DNAH8: variants seen among roughly 807,000 people sequenced by gnomAD.
The protein encoded by DNAH8 is dynein axonemal heavy chain 8.
In DNAH8, 382 loss-of-function variants were observed where a neutral mutation model predicts 562.1. The ratio of observed to expected loss-of-function variants is 0.68; its 90% CI spans 0.63 to 0.74. DNAH8 has a LOEUF of 0.74. Among genes scored for constraint, DNAH8 ranks in the 30% least tolerant of loss-of-function variants. The probability of loss-of-function intolerance (pLI) is 0.00; values close to 1 mark genes in which losing one functional copy is unlikely to be tolerated. For missense variants in DNAH8, 5,203 were observed against 5,620.4 expected, an observed-to-expected ratio of 0.93 and a Z score of 2.37; for synonymous variants, 1,881 against 1,919.4, an observed-to-expected ratio of 0.98 and a Z score of 0.52.
intron 8 of DNAH8, among the ~76,000 whole-genome samples, chr6:38,749,535 TAAAA>T (rs562568389): frequency 8.3e-6 from 1 of 120,450 alleles, no homozygotes; most frequent in African/African-American, 3.3e-5. Flanking sequence ...GAACTTAAAG[TAAAA>T]AAAAAAAAAA....
chr6:38,795,039 T>G (rs1770098469), intron 21 of DNAH8, among the ~76,000 whole-genome samples: 1 of 152,212 alleles, frequency 6.6e-6, no homozygotes, highest in Non-Finnish European at 1.5e-5. Flanking sequence ...AAATATCTCT[T>G]TAAGTTTTAA....
intron 91 of DNAH8, among the ~76,000 whole-genome samples, chr6:39,016,467 C>T (rs1347473599): frequency 6.6e-6 from 1 of 150,972 alleles, no homozygotes; most frequent in Non-Finnish European, 1.5e-5. Flanking sequence ...AGGAGAATGG[C>T]GTGAACCTAG....
At position 38,722,908 on chromosome 6, in the gene DNAH8, C is replaced by T. The variant is rs1361680296; in HGVS notation, c.99C>T (p.Ala33=). 3.1e-6 allele frequency: 5 copies of T among 1,612,240 alleles called. No homozygotes were observed. The highest frequency in any genetic ancestry group is 2.2e-5 in the East Asian group (1 of 44,870). The change falls in exon 2 of 93, where the codon GCC becomes GCT. Residue 33 remains alanine (A), a synonymous_variant. Coordinates refer to ENST00000327475, the MANE Select transcript of DNAH8 (RefSeq NM_001206927.2). ...CTCCCCGTTCAGAAGAGGAAGAGGCCCCGCGCCCTCCGACAGTGGAGGCCC... is the reference window on the plus strand; with the variant it reads ...CTCCCCGTTCAGAAGAGGAAGAGGCTCCGCGCCCTCCGACAGTGGAGGCCC... The part of the protein sequence containing the change: ...AAPPRSEEEE[A]PRPPTVEAPA...
intron 21 of DNAH8, among the ~76,000 whole-genome samples, chr6:38,796,667 CCG>C (rs757600294): frequency 1.6e-4 from 25 of 152,280 alleles, no homozygotes; most frequent in Non-Finnish European, 3.2e-4. Context: ...GTTCTGATTA[CCG>C]GTGCATGCAG....
chr6:38,997,578 G>A (rs1388946852), intron 88 of DNAH8, among the ~76,000 whole-genome samples: 1 of 152,104 alleles, frequency 6.6e-6, no homozygotes, highest in East Asian at 1.9e-4. Flanking sequence ...GAGAAATATG[G>A]ACTGGAGCCC....
At chr6:38,851,751 C>G in intron 39 of DNAH8, 77 bp downstream of exon 39, 1 of 933,136 alleles carries the variant, frequency 1.1e-6, no homozygotes, top group South Asian at 1.4e-5. Flanking sequence ...AAGTTAAAAT[C>G]TTAAAAATGC....
intron 71 of DNAH8, among the ~76,000 whole-genome samples, chr6:38,921,788 A>G (rs996926881): frequency 5.9e-5 from 9 of 152,180 alleles, no homozygotes; most frequent in Non-Finnish European, 1.5e-5. Context: ...GAGACCACCA[A>G]ACAGGCTTTG....
Position 38,906,263 on chromosome 6 carries a change from T to G in DNAH8, c.9204T>G (p.Asn3068Lys). 6.3e-7 allele frequency: 1 copy of G among 1,589,076 alleles called. No individual in the cohort carries two copies. The highest frequency in any genetic ancestry group is 8.6e-7 in the Non-Finnish European group (1 of 1,165,042). ...IFQITLTRSY[N>K]VTNLTDDLKA... is the part of the protein sequence containing the mutation. ...TCATTTTTCTTCTTAGGTCTTACAA[T>G]GTGACTAATCTAACAGATGATTTAA... The change falls in exon 63 of 93, where the codon AAT (asparagine) becomes AAG (lysine). Residue 3068 changes from asparagine to lysine, a missense_variant. Physicochemically the swap from Asn to Lys is moderately conservative, Grantham distance 94. This residue lies in a region of DNAH8 where 977 missense variants were observed against 1,061.8 expected (regional missense o/e 0.92). Transcript: ENST00000327475.
At chr6:38,880,327 C>G (rs534057041) in intron 53 of DNAH8, among the ~76,000 whole-genome samples, 50 of 152,174 alleles carry the variant, frequency 3.3e-4, no homozygotes, top group African/African-American at 1.2e-3. Flanking sequence ...GATCTGTATA[C>G]TAAAACTGTA....
At chr6:38,746,761 T>G (rs1764974864) in intron 8 of DNAH8, among the ~76,000 whole-genome samples, 1 of 152,120 alleles carries the variant, frequency 6.6e-6, no homozygotes, top group African/African-American at 2.4e-5. Flanking sequence ...AAATCCCGTC[T>G]CTACTAAAAA....
At chr6:39,000,638 C>T (rs1203624491) in intron 88 of DNAH8, among the ~76,000 whole-genome samples, 1 of 152,176 alleles carries the variant, frequency 6.6e-6, no homozygotes, top group Non-Finnish European at 1.5e-5. Flanking sequence ...ATGGGACCGT[C>T]TAGTTTCAGG....
At chr6:38,978,825 A>G (rs1048918467) in intron 85 of DNAH8, among the ~76,000 whole-genome samples, 7 of 152,192 alleles carry the variant, frequency 4.6e-5, no homozygotes, top group Non-Finnish European at 1.0e-4. Context: ...ATATTTCTCT[A>G]GTAGTTCAGA....
intron 28 of DNAH8, among the ~76,000 whole-genome samples, chr6:38,824,626 T>C (rs1171521542): frequency 6.6e-6 from 1 of 152,184 alleles, no homozygotes; most frequent in Non-Finnish European, 1.5e-5. Flanking sequence ...TTCAGGTCTG[T>C]TATCAAGAAG....
intron 24 of DNAH8, among the ~76,000 whole-genome samples, chr6:38,809,951 A>G (rs966333350): frequency 2.0e-5 from 3 of 152,092 alleles, no homozygotes; most frequent in African/African-American, 7.2e-5. Context: ...TCATTACTTT[A>G]CCAACCTTTT....
intron 73 of DNAH8, 54 bp from the exon 74 acceptor site, chr6:38,926,001 A>G: frequency 6.8e-7 from 1 of 1,473,448 alleles, no homozygotes; most frequent in East Asian, 2.3e-5. Context: ...TTAATTACTA[A>G]TGAGGGCATT....
chr6:38,720,554 T>C (rs1336532763), intron 1 of DNAH8, among the ~76,000 whole-genome samples: 1 of 152,164 alleles, frequency 6.6e-6, no homozygotes, highest in African/African-American at 2.4e-5. Context: ...GTCAGTGACC[T>C]AGTGAAAAAC....
At chr6:38,806,889 T>C (rs1175952489) in intron 23 of DNAH8, among the ~76,000 whole-genome samples, 1 of 152,236 alleles carries the variant, frequency 6.6e-6, no homozygotes, top group Admixed American at 6.5e-5. Flanking sequence ...AAAATCTTGA[T>C]ATTCCTCTTT....
intron 82 of DNAH8, among the ~76,000 whole-genome samples, chr6:38,952,762 C>T (rs1197085846): frequency 6.6e-6 from 1 of 152,172 alleles, no homozygotes; most frequent in Middle Eastern, 3.2e-3. Context: ...GTTCAAATGG[C>T]CACGGTCTTC....
intron 56 of DNAH8, among the ~76,000 whole-genome samples, chr6:38,886,264 A>G (rs1778917616): frequency 6.6e-6 from 1 of 152,156 alleles, no homozygotes; most frequent in Non-Finnish European, 1.5e-5. Context: ...GACCTGGAAA[A>G]AAAACAAGCC....
Sources: gnomAD v4.1 joint callset for allele counts (sites outside exome capture counted in the v4.1 genomes callset) on GRCh38, gnomAD v4.1.1 for gene constraint, gnomAD v4.1.1 regional missense constraint, MANE v1.5 for transcripts, NCBI Gene and HGNC (gene_info 2026-07-23, HGNC 2026-07-21) for gene names.